Variants in BTNL8 observed in about 807,000 individuals in gnomAD.
BTNL8 encodes the protein butyrophilin like 8.
Under a neutral mutation model 36.1 loss-of-function variants are expected in BTNL8, and 22 were observed. That is an observed-to-expected ratio of 0.61 (90% CI 0.44 to 0.87). BTNL8 has a LOEUF of 0.87. Among genes scored for constraint, BTNL8 ranks in the 40% least tolerant of loss-of-function variants. The probability of loss-of-function intolerance (pLI) is 0.00; values close to 1 mark genes in which losing one functional copy is unlikely to be tolerated. For synonymous variants in BTNL8, 203 were observed against 235.6 expected (o/e 0.86, Z 1.27); for missense variants, 526 against 616.9 (o/e 0.85, Z 1.56).
intron 3 of BTNL8, among the ~76,000 whole-genome samples, chr5:180,915,835 C>A (rs1267200601): frequency 6.6e-6 from 1 of 152,208 alleles, no homozygotes; most frequent in Non-Finnish European, 1.5e-5. Context: ...ACATTCAACA[C>A]CCTTTCATGA....
intron 3 of BTNL8, among the ~76,000 whole-genome samples, chr5:180,917,113 T>A (rs112118705): frequency 8.4e-6 from 1 of 118,386 alleles, no homozygotes; most frequent in Non-Finnish European, 1.6e-5. Context: ...TGAAAAGTCA[T>A]AGGCCAACAA....
intron 3 of BTNL8, among the ~76,000 whole-genome samples, chr5:180,913,930 A>T (rs921331589): frequency 1.3e-5 from 2 of 152,232 alleles, no homozygotes; most frequent in East Asian, 3.8e-4. Flanking sequence ...CTTGAACTAA[A>T]AATTAACAAA....
rs752177907 is a variant in BTNL8, at chr5:180,908,728, C to T, written c.192C>T (p.Val64=). ...RFFRGQFSSV[V]HLYRDGKDQP... is the part of the protein sequence containing the mutation. ...TCAGGGGCCAGTTCTCTAGCGTGGT[C>T]CACCTCTACAGGGACGGGAAGGACC... is the stretch of plus-strand genomic sequence containing the variant. The change falls in exon 2 of 8, where the codon GTC becomes GTT. Residue 64 remains valine, a synonymous_variant. Transcript: ENST00000340184. The T allele has an allele frequency of 1.2e-6, 2 of 1,614,170 alleles. No individual in the cohort carries two copies. The highest frequency in any genetic ancestry group is 8.5e-7 in the Non-Finnish European group (1 of 1,180,040).
intron 3 of BTNL8, among the ~76,000 whole-genome samples, chr5:180,929,477 A>C (rs564271079): frequency 9.8e-5 from 15 of 152,316 alleles, no homozygotes; most frequent in Admixed American, 9.8e-4. Context: ...GCAGAACTGA[A>C]GGAAATAGAG....
rs767313904 is a variant in BTNL8, at chr5:180,949,996, C to T, written c.955C>T (p.Pro319Ser). ...VTHRKAPQEV[P>S]HSEKRFTRKS... ...CCATAGAAAAGCTCCCCAGGAGGTG[C>T]CTCACTCTGAGAAGAGATTTACAAG... The change falls in exon 8 of 8, where the codon CCT becomes TCT. Residue 319 changes from proline (P) to serine (S), a missense_variant. Pro to Ser is a moderately conservative substitution (Grantham distance 74, BLOSUM62 -1). This residue lies in a region of BTNL8 where 176 missense variants were observed against 292.3 expected (regional missense o/e 0.60). Coordinates refer to ENST00000340184, the MANE Select transcript of BTNL8 (RefSeq NM_001040462.3). The T allele has an allele frequency of 1.1e-5, 16 of 1,462,138 alleles. 3 individuals carry two copies. The South Asian group carries it at 1.5e-4, about 13-fold the overall frequency. 90.6% of individuals were successfully genotyped at this position (1,462,138 alleles called of 1,614,324 possible).
intron 3 of BTNL8, among the ~76,000 whole-genome samples, chr5:180,915,009 C>T (rs1757559960): frequency 6.6e-6 from 1 of 152,148 alleles, no homozygotes; most frequent in Non-Finnish European, 1.5e-5. Context: ...GCCCAGGAAA[C>T]CCATTTCTGT....
intron 5 of BTNL8, 111 bp downstream of exon 5, chr5:180,948,486 C>T (rs576492789): frequency 5.3e-5 from 85 of 1,608,134 alleles, no homozygotes; most frequent in South Asian, 9.9e-5. Context: ...CAGGAAGCAC[C>T]GGCAGGTGGA....
At position 180,908,811 on chromosome 5, in the gene BTNL8, T is replaced by A; in HGVS notation, c.275T>A (p.Ile92Asn). The A allele has an allele frequency of 6.2e-7, 1 of 1,614,162 alleles. No homozygotes were observed. The highest frequency in any genetic ancestry group is 1.1e-5 in the South Asian group (1 of 91,078). The change falls in exon 2 of 8, where the codon ATT becomes AAT. Residue 92 changes from isoleucine (I) to asparagine (N), a missense_variant. Around this residue, in one of 2 missense-constraint regions of BTNL8, gnomAD observed 350 missense variants for 324.6 expected, o/e 1.08. Transcript: ENST00000340184. ...AGGACAAAACTGGTGAAGGATTCTA[T>A]TGCGGAGGGGCGCATCTCTCTGAGG... is the stretch of plus-strand genomic sequence containing the variant. ...QGRTKLVKDS[I>N]AEGRISLRLE...
At chr5:180,907,147 C>G (rs1055178170) in intron 1 of BTNL8, among the ~76,000 whole-genome samples, 2 of 119,936 alleles carry the variant, frequency 1.7e-5, no homozygotes, top group Non-Finnish European at 3.3e-5. Flanking sequence ...CTCCCCATCA[C>G]TTTCAGGTAC....
intron 2 of BTNL8, among the ~76,000 whole-genome samples, chr5:180,911,008 C>G (rs1350925288): frequency 6.6e-6 from 1 of 152,196 alleles, no homozygotes; most frequent in Non-Finnish European, 1.5e-5. Flanking sequence ...TACTTTAATT[C>G]GGGTCATCGT....
Position 180,911,547 on chromosome 5 carries a change from G to T in BTNL8, c.606G>T (p.Gly202=). 6.2e-7 allele frequency: 1 copy of T among 1,614,062 alleles called. No individual in the cohort carries two copies. Among genetic ancestry groups the T allele is most frequent in the South Asian group, 1.1e-5 (1 of 91,070 alleles). ...CTCTGACCGTCCAAGAGAACGCCGG[G>T]AGCATATCCTGTTCCATGCGGCATG... is the stretch of plus-strand genomic sequence containing the variant. The part of the protein sequence containing the change: ...EISLTVQENA[G]SISCSMRHAH... Residue 202 remains glycine, a synonymous_variant, in exon 3 of 8, where the codon GGG becomes GGT. Coordinates refer to ENST00000340184, the MANE Select transcript of BTNL8 (RefSeq NM_001040462.3).
At chr5:180,900,598 C>T (rs1207846581) in intron 1 of BTNL8, among the ~76,000 whole-genome samples, 1 of 152,198 alleles carries the variant, frequency 6.6e-6, no homozygotes, top group African/African-American at 2.4e-5. Context: ...CCCACACAGC[C>T]CTGAAGGCAG....
In BTNL8 at chr5:180,899,288, A is replaced by T. The variant is rs1737221448; in HGVS notation, c.-23A>T. The stretch of plus-strand genomic sequence containing the variant: ...TCCTGTCATCCGTTTCCATGCCGTG[A>T]GGTCCATTCACAGAACACATCCATG... On this transcript the variant is annotated 5_prime_UTR_variant, in exon 1 of 8. An upstream open reading frame in the 5' UTR loses its in-frame stop. Coordinates refer to ENST00000340184, the MANE Select transcript of BTNL8 (RefSeq NM_001040462.3). The T allele has an allele frequency of 6.2e-7, 1 of 1,613,658 alleles. No individual in the cohort carries two copies. The highest frequency in any genetic ancestry group is 1.1e-5 in the South Asian group (1 of 91,062).
chr5:180,902,822 A>G (rs1756893241), intron 1 of BTNL8, among the ~76,000 whole-genome samples: 1 of 139,876 alleles, frequency 7.1e-6, no homozygotes, highest in African/African-American at 2.9e-5. Flanking sequence ...ATGATTTCTA[A>G]TTTCATCCAT....
chr5:180,909,265 C>G (rs1000831037), intron 2 of BTNL8, among the ~76,000 whole-genome samples: 1 of 152,218 alleles, frequency 6.6e-6, no homozygotes, highest in Non-Finnish European at 1.5e-5. Context: ...GTTACATACA[C>G]AGCTTCACAC....
At chr5:180,908,283 T>G (rs1757202552) in intron 1 of BTNL8, among the ~76,000 whole-genome samples, 2 of 149,196 alleles carry the variant, frequency 1.3e-5, no homozygotes, top group African/African-American at 4.9e-5. Context: ...TCCAGGTGCG[T>G]CCGTCACCCC....
chr5:180,900,345 C>T (rs1290957354), intron 1 of BTNL8, among the ~76,000 whole-genome samples: 1 of 152,204 alleles, frequency 6.6e-6, no homozygotes, highest in Non-Finnish European at 1.5e-5. Context: ...CTTATGATGA[C>T]ATGGAGATAC....
chr5:180,902,285 T>C (rs1405308233), intron 1 of BTNL8: 2 of 1,452,800 alleles, frequency 1.4e-6, no homozygotes, highest in Admixed American at 4.0e-5. Flanking sequence ...GACTTTTTCC[T>C]CTGGATAACA....
In BTNL8 at chr5:180,899,295, T is replaced by G. The variant is rs1422769339; in HGVS notation, c.-16T>G. The G allele has an allele frequency of 6.2e-7, 1 of 1,614,112 alleles. No homozygotes were observed. Among genetic ancestry groups the G allele is most frequent in the East Asian group, 2.2e-5 (1 of 44,880 alleles). On this transcript the variant is annotated 5_prime_UTR_variant, in exon 1 of 8. Coordinates refer to ENST00000340184, the MANE Select transcript of BTNL8 (RefSeq NM_001040462.3). ...ATCCGTTTCCATGCCGTGAGGTCCA[T>G]TCACAGAACACATCCATGGCTCTCA...
Sources: allele counts gnomAD v4.1 joint callset (sites outside exome capture counted in the v4.1 genomes callset), GRCh38; gene constraint gnomAD v4.1.1; regional missense constraint gnomAD v4.1.1; transcripts MANE v1.5; gene names NCBI Gene and HGNC (gene_info 2026-07-23, HGNC 2026-07-21).